The following SLC41A3 variants were observed in gnomAD, a reference collection of about 807,000 sequenced individuals.
The protein encoded by SLC41A3 is solute carrier family 41 member 3.
In SLC41A3, 44 loss-of-function variants were observed where a neutral mutation model predicts 45.4. The ratio of observed to expected loss-of-function variants is 0.97; its 90% CI spans 0.76 to 1.25. The LOEUF (loss-of-function observed/expected upper bound fraction) is 1.25, where lower values mean the gene tolerates loss of function less well. Among genes scored for constraint, SLC41A3 ranks in the 50% most tolerant of loss-of-function variants. SLC41A3 has a pLI of 0.00. For synonymous variants in SLC41A3, 256 were observed against 252.4 expected, an observed-to-expected ratio of 1.01 and a Z score of -0.13; for missense variants, 550 against 600.6, an observed-to-expected ratio of 0.92 and a Z score of 0.88.
intron 3 of SLC41A3, among the ~76,000 whole-genome samples, chr3:126,048,658 T>G (rs549659806): frequency 2.6e-5 from 4 of 152,342 alleles, no homozygotes; most frequent in African/African-American, 9.6e-5. Flanking sequence ...CTGTTTCAAG[T>G]TGCACTAAGA....
chr3:126,056,968 AGC>A, intron 2 of SLC41A3: 3 of 1,046,744 alleles, frequency 2.9e-6, no homozygotes, highest in African/African-American at 1.6e-5. Flanking sequence ...ACAGAGCTGA[AGC>A]CCACGTGGTG....
chr3:126,095,228 T>G, intron 1 of SLC41A3: 1 of 692,290 alleles, frequency 1.4e-6, no homozygotes, highest in East Asian at 2.7e-5. Flanking sequence ...TCAAGACACC[T>G]GAAACCTTAT....
At chr3:126,098,647 G>T (rs1945648732) in intron 1 of SLC41A3, among the ~76,000 whole-genome samples, 1 of 152,214 alleles carries the variant, frequency 6.6e-6, no homozygotes, top group Non-Finnish European at 1.5e-5. Flanking sequence ...GCTTGACATG[G>T]GCATCCAGGC....
intron 1 of SLC41A3, among the ~76,000 whole-genome samples, chr3:126,094,586 A>G (rs1945557422): frequency 6.6e-6 from 1 of 152,222 alleles, no homozygotes; most frequent in Admixed American, 6.5e-5. Flanking sequence ...TGTAATTCCA[A>G]AAAAATGGCC....
chr3:126,070,687 TAAAC>T (rs1311897461), intron 1 of SLC41A3, among the ~76,000 whole-genome samples: 1 of 152,092 alleles, frequency 6.6e-6, no homozygotes, highest in African/African-American at 2.4e-5. Context: ...GATTTTCAGA[TAAAC>T]AGACACAGAG....
At chr3:126,071,183 T>C (rs1193906645) in intron 1 of SLC41A3, among the ~76,000 whole-genome samples, 2 of 152,010 alleles carry the variant, frequency 1.3e-5, no homozygotes, top group South Asian at 2.1e-4. Context: ...AATGGATAGG[T>C]TGGAAGTAAA....
intron 3 of SLC41A3, among the ~76,000 whole-genome samples, chr3:126,050,454 G>C (rs1163596111): frequency 6.6e-6 from 1 of 152,202 alleles, no homozygotes; most frequent in Non-Finnish European, 1.5e-5. Flanking sequence ...GTTGGTTCAA[G>C]AGCCCAGAGA....
At chr3:126,019,697 T>C (rs1940660051) in intron 6 of SLC41A3, among the ~76,000 whole-genome samples, 2 of 152,134 alleles carry the variant, frequency 1.3e-5, no homozygotes, top group Admixed American at 6.5e-5. Flanking sequence ...ACTCCAGAGC[T>C]TTCTCCTCTG....
chr3:126,098,310 G>A (rs1012687010), intron 1 of SLC41A3, among the ~76,000 whole-genome samples: 4 of 152,168 alleles, frequency 2.6e-5, no homozygotes, highest in Non-Finnish European at 5.9e-5. Flanking sequence ...CTCTGCACAA[G>A]TACACCAGCA....
intron 1 of SLC41A3, among the ~76,000 whole-genome samples, chr3:126,099,960 G>A (rs997057086): frequency 4.6e-5 from 7 of 152,164 alleles, no homozygotes; most frequent in Admixed American, 1.3e-4. Context: ...ATGCCTAATG[G>A]ATGTGCAGTC....
chr3:126,050,759 T>A, intron 3 of SLC41A3, 184 bp downstream of exon 3: 3 of 1,084,810 alleles, frequency 2.8e-6, no homozygotes, highest in Non-Finnish European at 3.7e-6. Flanking sequence ...TCCAGTTTGG[T>A]AGTGGAAAGC....
At chr3:126,020,271 G>T (rs1030357356) in intron 6 of SLC41A3, among the ~76,000 whole-genome samples, 1 of 152,096 alleles carries the variant, frequency 6.6e-6, no homozygotes, top group Non-Finnish European at 1.5e-5. Context: ...CCCCTGAAAC[G>T]ATTCCGTCTT....
chr3:126,078,384 G>A (rs1024002002), intron 1 of SLC41A3, among the ~76,000 whole-genome samples: 25 of 152,164 alleles, frequency 1.6e-4, no homozygotes, highest in African/African-American at 5.6e-4. Context: ...TAGTGGAGAA[G>A]AAAGGAGAGG....
intron 9 of SLC41A3, among the ~76,000 whole-genome samples, chr3:126,011,095 C>T (rs534029104): frequency 3.3e-5 from 5 of 152,158 alleles, no homozygotes; most frequent in Admixed American, 6.5e-5. Context: ...CAGAGTGAGA[C>T]GACACAGACG....
chr3:126,026,513 C>G lies in SLC41A3; in HGVS notation c.454-34G>C, dbSNP rs747496091. 3 of 1,589,532 alleles carry G rather than the reference C, an allele frequency of 1.9e-6. No individual in the cohort carries two copies. The highest frequency in any genetic ancestry group is 1.8e-5 in the Admixed American group (1 of 56,918). ...CAGAAATCAGAAGCATGAAGGGGGG[C>G]CCCGGGGCCACAGCCACACTCCCTG... On this transcript the variant is annotated intron_variant, in intron 4 of 10. Coordinates refer to ENST00000360370, the MANE Select transcript of SLC41A3 (RefSeq NM_017836.4). The surrounding 1 kb of genome is among the most constrained non-coding windows in gnomAD (Gnocchi z 4.2).
upstream of SLC41A3, among the ~76,000 whole-genome samples, chr3:126,087,686 TA>T (rs2108125054): frequency 6.6e-6 from 1 of 152,010 alleles, no homozygotes; most frequent in Non-Finnish European, 1.5e-5. Flanking sequence ...TGTCCTAAAA[TA>T]AAATGACTAG....
intron 8 of SLC41A3, 44 bp downstream of exon 8, chr3:126,015,450 C>T (rs1328188316): frequency 1.9e-6 from 3 of 1,603,500 alleles, no homozygotes; most frequent in Admixed American, 3.3e-5. Flanking sequence ...ATCCTGTGGG[C>T]CTACCCAACC....
At chr3:126,040,530 C>T (rs1457134371) in intron 3 of SLC41A3, among the ~76,000 whole-genome samples, 1 of 152,172 alleles carries the variant, frequency 6.6e-6, no homozygotes. Flanking sequence ...GCATTTGCTG[C>T]AGATACCTCT....
Position 126,007,138 on chromosome 3 carries a change from G to T in SLC41A3, c.1342C>A (p.Leu448Ile), listed in dbSNP as rs781181286. The change falls in exon 11 of 11, where the codon CTT becomes ATT. Residue 448 changes from leucine (L) to isoleucine (I), a missense_variant. Physicochemically the swap from Leu to Ile is conservative, Grantham distance 5 (BLOSUM62 2). Coordinates refer to ENST00000360370, the MANE Select transcript of SLC41A3 (RefSeq NM_017836.4). ...LDPDNHCIPY[L>I]TGLGDLLGTG... is the part of the protein sequence containing the mutation. ...CCGAGCAGGTCCCCCAGCCCTGTAA[G>T]GTAGGGGATGCAGTGGTTGTCAGGA... 1.2e-6 allele frequency: 2 copies of T among 1,614,222 alleles called. No homozygotes were observed. The highest frequency in any genetic ancestry group is 1.7e-6 in the Non-Finnish European group (2 of 1,180,036).
Sources: gnomAD v4.1 joint callset for allele counts (sites outside exome capture counted in the v4.1 genomes callset) on GRCh38, gnomAD v4.1.1 for gene constraint, Gnocchi (gnomAD v3.1) non-coding constraint, MANE v1.5 for transcripts, NCBI Gene and HGNC (gene_info 2026-07-23, HGNC 2026-07-21) for gene names.